The following ZBTB20 variants were observed in gnomAD, a reference collection of about 807,000 sequenced individuals.
ZBTB20 encodes the protein zinc finger and BTB domain-containing protein 20.
In ZBTB20, 9 loss-of-function variants were observed where a neutral mutation model predicts 56.9. The ratio of observed to expected loss-of-function variants is 0.16; its 90% confidence interval spans 0.10 to 0.28. The LOEUF is 0.28. Among genes scored for constraint, ZBTB20 ranks in the 10% least tolerant of loss-of-function variants. The pLI, the probability that ZBTB20 is intolerant of heterozygous loss-of-function variation, is 1.00. For synonymous variants in ZBTB20, 417 were observed against 420.7 expected (o/e 0.99, Z 0.11); for missense variants, 655 against 1,003.0 (o/e 0.65, Z 4.69).
intron 7 of ZBTB20, among the ~76,000 whole-genome samples, chr3:114,474,142 T>C (rs1376704527): frequency 3.9e-5 from 6 of 152,206 alleles, no homozygotes; most frequent in Non-Finnish European, 7.4e-5. Flanking sequence ...CTGATTCAAT[T>C]ACCTCCCTCT....
intron 4 of ZBTB20, among the ~76,000 whole-genome samples, chr3:114,828,640 T>C (rs2073679463): frequency 6.6e-6 from 1 of 151,882 alleles, no homozygotes; most frequent in Non-Finnish European, 1.5e-5. Flanking sequence ...GTAAAATTCT[T>C]CTTCACTTTC....
intron 7 of ZBTB20, among the ~76,000 whole-genome samples, chr3:114,477,154 C>T (rs2040872489): frequency 6.6e-6 from 1 of 152,208 alleles, no homozygotes; most frequent in South Asian, 2.1e-4. Flanking sequence ...AACTGAAAAA[C>T]ATACCTGAAA....
intron 6 of ZBTB20, among the ~76,000 whole-genome samples, chr3:114,681,045 T>A (rs561942448): frequency 3.9e-5 from 6 of 152,220 alleles, no homozygotes; most frequent in Non-Finnish European, 7.3e-5. Context: ...CTATTTCTTG[T>A]TTAGGCAAGA....
chr3:115,041,198 T>C (rs566315706), intron 2 of ZBTB20, among the ~76,000 whole-genome samples: 1 of 152,290 alleles, frequency 6.6e-6, no homozygotes, highest in Admixed American at 6.5e-5. Context: ...AATACATATA[T>C]GTGTAAAACA....
At chr3:114,764,414 G>C (rs759191398) in intron 5 of ZBTB20, among the ~76,000 whole-genome samples, 1 of 152,094 alleles carries the variant, frequency 6.6e-6, no homozygotes, top group African/African-American at 2.4e-5. Flanking sequence ...TCATCAGCAC[G>C]GTGCCCTCAG....
chr3:114,951,889 G>A (rs1403111503), intron 3 of ZBTB20, among the ~76,000 whole-genome samples: 3 of 151,918 alleles, frequency 2.0e-5, no homozygotes, highest in Non-Finnish European at 4.4e-5. Flanking sequence ...GCTGAAACAA[G>A]CAATGAGAAA....
chr3:114,679,698 T>C (rs554781234), intron 6 of ZBTB20, among the ~76,000 whole-genome samples: 71 of 152,264 alleles, frequency 4.7e-4, no homozygotes, highest in Middle Eastern at 6.8e-3. Flanking sequence ...AATGTAAATA[T>C]AGTTCAATGA....
chr3:114,639,494 AT>A (rs56028744), intron 6 of ZBTB20, among the ~76,000 whole-genome samples: 149,702 of 150,742 alleles, frequency 0.99, 74,343 homozygotes, highest in South Asian at 1. Flanking sequence ...TCTCCTAGAG[AT>A]TTTTTTTTAC....
chr3:114,467,929 C>T (rs2109218780), intron 7 of ZBTB20, among the ~76,000 whole-genome samples: 1 of 152,282 alleles, frequency 6.6e-6, no homozygotes, highest in South Asian at 2.1e-4. Flanking sequence ...ATGGCTTTTA[C>T]CTGGGAGCAC....
intron 5 of ZBTB20, among the ~76,000 whole-genome samples, chr3:114,744,106 A>G (rs2066849357): frequency 6.6e-6 from 1 of 152,182 alleles, no homozygotes; most frequent in South Asian, 2.1e-4. Flanking sequence ...GAACCTTTTA[A>G]TAAACATGTT....
At chr3:114,690,061 A>C (rs1328498854) in intron 6 of ZBTB20, among the ~76,000 whole-genome samples, 1 of 152,158 alleles carries the variant, frequency 6.6e-6, no homozygotes, top group African/African-American at 2.4e-5. Flanking sequence ...AATCTGACAA[A>C]TTTTATATAT....
chr3:115,107,643 G>A (rs1019519854), intron 1 of ZBTB20, among the ~76,000 whole-genome samples: 1 of 152,126 alleles, frequency 6.6e-6, no homozygotes, highest in African/African-American at 2.4e-5. Flanking sequence ...CCATTACTGG[G>A]TATATACCCA....
At chr3:114,367,939 T>C (rs896105976) in intron 10 of ZBTB20, among the ~76,000 whole-genome samples, 7 of 152,200 alleles carry the variant, frequency 4.6e-5, no homozygotes, top group East Asian at 3.9e-4. Context: ...TCTCCTCCCA[T>C]AGATCTAGGG....
chr3:114,533,980 T>C (rs2048157389), intron 6 of ZBTB20, among the ~76,000 whole-genome samples: 1 of 152,126 alleles, frequency 6.6e-6, no homozygotes, highest in Non-Finnish European at 1.5e-5. Flanking sequence ...CAACAGCTCC[T>C]GAAGAAAGCA....
chr3:114,459,034 G>A (rs2092192879), intron 7 of ZBTB20, among the ~76,000 whole-genome samples: 1 of 152,150 alleles, frequency 6.6e-6, no homozygotes. Flanking sequence ...TATAGGGAGT[G>A]TGGAAAATAA....
chr3:114,397,690 A>T (rs927600645), intron 7 of ZBTB20, among the ~76,000 whole-genome samples: 6 of 152,080 alleles, frequency 3.9e-5, no homozygotes, highest in African/African-American at 7.2e-5. Flanking sequence ...AAAGTTCCTC[A>T]GTCAAGTAAG....
intron 2 of ZBTB20, among the ~76,000 whole-genome samples, chr3:114,985,906 T>C (rs2078520172): frequency 6.6e-6 from 1 of 152,102 alleles, no homozygotes; most frequent in African/African-American, 2.4e-5. Context: ...TACTCAATTC[T>C]GCTACTATAG....
chr3:115,067,853 A>G (rs1323806667), intron 2 of ZBTB20, among the ~76,000 whole-genome samples: 1 of 152,118 alleles, frequency 6.6e-6, no homozygotes, highest in Non-Finnish European at 1.5e-5. Flanking sequence ...TGTTGCAGCA[A>G]AACAATAGTG....
chr3:114,869,276 T>C (rs2075893363), intron 4 of ZBTB20, among the ~76,000 whole-genome samples: 2 of 152,292 alleles, frequency 1.3e-5, no homozygotes, highest in African/African-American at 4.8e-5. Flanking sequence ...CAAACCAAGT[T>C]CTGCTAATGT....
Sources: gnomAD v4.1 joint callset for allele counts (sites outside exome capture counted in the v4.1 genomes callset) on GRCh38, gnomAD v4.1.1 for gene constraint, MANE v1.5 for transcripts, NCBI Gene and HGNC (gene_info 2026-07-23, HGNC 2026-07-21) for gene names.